Variants in VPS8 observed in about 807,000 individuals in gnomAD.
VPS8 encodes VPS8 subunit of CORVET complex, also known as vacuolar protein sorting-associated protein 8 homolog.
A neutral mutation model predicts 216.4 loss-of-function variants in VPS8; 129 were observed. The observed-to-expected ratio is 0.60, with a 90% CI of 0.52 to 0.69. The LOEUF is 0.69. Ranked by LOEUF, VPS8 falls within the 30% of genes least tolerant of loss-of-function variation. The pLI is 0.00. For missense variants in VPS8, 1,531 were observed against 1,683.5 expected (o/e 0.91, Z 1.59); for synonymous variants, 571 against 565.4 (o/e 1.01, Z -0.14).
chr3:184,999,937 C>A, intron 45 of VPS8, 76 bp downstream of exon 45: 1 of 1,473,376 alleles, frequency 6.8e-7, no homozygotes, highest in Non-Finnish European at 9.0e-7. Context: ...TCATTTCCTT[C>A]GGTTCCATAG....
At chr3:184,858,433 G>T (rs1445053479) in intron 14 of VPS8, among the ~76,000 whole-genome samples, 1 of 152,196 alleles carries the variant, frequency 6.6e-6, no homozygotes, top group Non-Finnish European at 1.5e-5. Context: ...CCATCCTAAA[G>T]AACTGAAGGT....
chr3:185,039,025 A>G (rs1256248172), intron 46 of VPS8, among the ~76,000 whole-genome samples: 2 of 152,104 alleles, frequency 1.3e-5, no homozygotes, highest in African/African-American at 4.8e-5. Flanking sequence ...AAAAATACCA[A>G]TGTCCTGCTC....
chr3:184,978,780 C>G (rs1351726444), intron 40 of VPS8, among the ~76,000 whole-genome samples: 2 of 152,044 alleles, frequency 1.3e-5, no homozygotes, highest in Non-Finnish European at 2.9e-5. Flanking sequence ...AGTCTTTTAT[C>G]TGTTTTTTCT....
Position 185,024,323 on chromosome 3 carries a change from CT to C in VPS8, c.4003-5del, listed in dbSNP as rs768907248. The C allele has an allele frequency of 1.8e-5, 28 of 1,576,482 alleles. No individual in the cohort carries two copies. The highest frequency in any genetic ancestry group is 7.4e-5 in the Admixed American group (4 of 54,372). ...ACTGAAAGGGTATTAAAATGTTTGC[CT>C]TTTTTTTCCAGGTAAAAATGTCTCC... On this transcript the variant is annotated splice_polypyrimidine_tract_variant and intron_variant, in intron 45 of 47. Coordinates refer to ENST00000625842, the MANE Select transcript of VPS8 (RefSeq NM_001009921.3).
At chr3:184,854,278 A>T (rs1724840082) in intron 13 of VPS8, 105 bp downstream of exon 13, 8 of 1,295,550 alleles carry the variant, frequency 6.2e-6, no homozygotes, top group Middle Eastern at 2.4e-4. Context: ...AGAAAACTAG[A>T]CAGGATGAAA....
intron 13 of VPS8, 32 bp from the exon 14 acceptor site, chr3:184,855,679 T>A: frequency 6.6e-7 from 1 of 1,519,026 alleles, no homozygotes; most frequent in Non-Finnish European, 9.1e-7. Context: ...TTATTAACTG[T>A]GATGATTTTT....
At chr3:184,992,431 A>G (rs1406860144) in intron 42 of VPS8, among the ~76,000 whole-genome samples, 1 of 152,164 alleles carries the variant, frequency 6.6e-6, no homozygotes, top group Non-Finnish European at 1.5e-5. Context: ...TTGGGAGACC[A>G]GTATAGTGTG....
At chr3:184,984,791 A>T (rs1750810961) in intron 42 of VPS8, among the ~76,000 whole-genome samples, 1 of 152,190 alleles carries the variant, frequency 6.6e-6, no homozygotes, top group African/African-American at 2.4e-5. Flanking sequence ...CATAAAGCCA[A>T]ATGGGTTCTC....
intron 22 of VPS8, among the ~76,000 whole-genome samples, chr3:184,891,998 C>A (rs1224260437): frequency 1.3e-5 from 2 of 152,076 alleles, no homozygotes; most frequent in Non-Finnish European, 2.9e-5. Context: ...TTCAAAAATA[C>A]CTTTAATGTG....
intron 25 of VPS8, among the ~76,000 whole-genome samples, chr3:184,911,993 G>C (rs1736628019): frequency 6.6e-6 from 1 of 152,122 alleles, no homozygotes; most frequent in Non-Finnish European, 1.5e-5. Flanking sequence ...CCCGCACCTG[G>C]TACCTTGCTT....
chr3:184,929,479 G>C (rs1740296964), intron 32 of VPS8, 101 bp from the exon 33 acceptor site: 1 of 689,988 alleles, frequency 1.4e-6, no homozygotes, highest in Non-Finnish European at 2.5e-6. Flanking sequence ...CATGAGCCAG[G>C]ACACCTGGCC....
At position 184,954,338 on chromosome 3, in the gene VPS8, G is replaced by A. The variant is rs1239667767; in HGVS notation, c.3036-3036G>A. On this transcript the variant is annotated intron_variant, in intron 36 of 47. Transcript: ENST00000625842. ...GTAGACGTGATTGATTACATCGTTG[G>A]CCATTGGTGATCAAGTCAATCTTCA... Among the ~76,000 whole-genome samples, 3 of 152,054 alleles carry A rather than the reference G, an allele frequency of 2.0e-5. 1 individual carries two copies. Among genetic ancestry groups the A allele is most frequent in the African/African-American group, 7.3e-5 (3 of 41,378 alleles).
At chr3:185,028,931 C>T (rs912198389) in intron 46 of VPS8, among the ~76,000 whole-genome samples, 4 of 152,186 alleles carry the variant, frequency 2.6e-5, no homozygotes, top group Non-Finnish European at 5.9e-5. Context: ...TTTCACAGGA[C>T]TTCCTGGTGG....
chr3:184,834,840 A>G (rs1256524884), intron 5 of VPS8, 98 bp downstream of exon 5: 5 of 913,576 alleles, frequency 5.5e-6, no homozygotes, highest in Non-Finnish European at 8.0e-6. Context: ...TCTTGGCCCG[A>G]GGCTTAAGAA....
intron 21 of VPS8, among the ~76,000 whole-genome samples, chr3:184,877,385 G>T (rs780519493): frequency 6.6e-6 from 1 of 152,154 alleles, no homozygotes; most frequent in Non-Finnish European, 1.5e-5. Flanking sequence ...GTTGTTGAGA[G>T]AATTTTTAAA....
Position 184,993,531 on chromosome 3 carries a change from A to G in VPS8, c.3586-452A>G, listed in dbSNP as rs77647850. ...TCAAAAAACTGAGAGCTGTTTTCTC[A>G]GAACCTGTTTGTCTCCAAAACTGAT... On this transcript the variant is annotated intron_variant, in intron 42 of 47. Coordinates refer to ENST00000625842, the MANE Select transcript of VPS8 (RefSeq NM_001009921.3). Among the ~76,000 whole-genome samples, 733 of 152,280 alleles carry G rather than the reference A, an allele frequency of 4.8e-3. 6 individuals are homozygous for G. Among genetic ancestry groups the G allele is most frequent in the Admixed American group, 0.029 (447 of 15,288 alleles).
At chr3:184,872,809 T>C (rs1728587174) in intron 21 of VPS8, among the ~76,000 whole-genome samples, 1 of 152,072 alleles carries the variant, frequency 6.6e-6, no homozygotes, top group African/African-American at 2.4e-5. Context: ...CACAATCACA[T>C]GGCTACAGGC....
chr3:184,839,476 A>C, intron 6 of VPS8: 1 of 493,688 alleles, frequency 2.0e-6, no homozygotes. Context: ...AACATATGAT[A>C]TTTTGATAGT....
At chr3:184,957,292 G>C in intron 36 of VPS8, 82 bp from the exon 37 acceptor site, 1 of 1,391,138 alleles carries the variant, frequency 7.2e-7, no homozygotes, top group East Asian at 2.5e-5. Flanking sequence ...AATGTAATGT[G>C]CTTTTTACTG....
Sources: gnomAD v4.1 joint callset for allele counts (sites outside exome capture counted in the v4.1 genomes callset) on GRCh38, gnomAD v4.1.1 for gene constraint, MANE v1.5 for transcripts, NCBI Gene and HGNC (gene_info 2026-07-23, HGNC 2026-07-21) for gene names.